Variants in TBCK observed in about 807,000 individuals in gnomAD.
The protein encoded by TBCK is TBC domain-containing protein kinase-like protein.
TBCK carries 99 observed loss-of-function variants against 113.4 expected under a neutral mutation model. The ratio of observed to expected loss-of-function variants is 0.87; its 90% CI spans 0.74 to 1.03. The LOEUF is 1.03. TBCK is among the 50% of genes least tolerant of loss of function. The pLI is 0.00. For synonymous variants in TBCK, 369 were observed against 370.8 expected, an observed-to-expected ratio of 1.00 and a Z score of 0.05; for missense variants, 1,045 against 1,061.3, an observed-to-expected ratio of 0.98 and a Z score of 0.21.
chr4:106,311,861 A>G (rs1355408312), intron 1 of TBCK, among the ~76,000 whole-genome samples: 1 of 152,198 alleles, frequency 6.6e-6, no homozygotes, highest in African/African-American at 2.4e-5. Context: ...ATGGTGCTGG[A>G]AAAAGATATT....
chr4:106,222,640 A>C (rs954907952), intron 19 of TBCK, among the ~76,000 whole-genome samples: 1 of 152,166 alleles, frequency 6.6e-6, no homozygotes, highest in African/African-American at 2.4e-5. Flanking sequence ...CTAGTCTATC[A>C]TGAAGATGAT....
Position 106,169,483 on chromosome 4 carries a change from A to G in TBCK, c.2235+1612T>C, listed in dbSNP as rs566406119. On this transcript the variant is annotated intron_variant, in intron 23 of 25. Coordinates refer to ENST00000394708, the MANE Select transcript of TBCK (RefSeq NM_001163435.3). Reference sequence around the variant, plus strand: ...AATGTTTTTCTGCTATAAAGAGGATATAATTCAAAATTTGAAACAAAGAAA... The same window carrying G: ...AATGTTTTTCTGCTATAAAGAGGATGTAATTCAAAATTTGAAACAAAGAAA... Among the ~76,000 whole-genome samples, 38 of 152,238 alleles carry G rather than the reference A, an allele frequency of 2.5e-4. No individual in the cohort carries two copies. In the South Asian group the frequency reaches 7.7e-3, roughly 31 times the overall value.
chr4:106,160,887 G>A (rs1303002296), intron 23 of TBCK, among the ~76,000 whole-genome samples: 1 of 151,844 alleles, frequency 6.6e-6, no homozygotes, highest in Admixed American at 6.6e-5. Context: ...ATGAATGAAT[G>A]GATAAACAAA....
intron 25 of TBCK, among the ~76,000 whole-genome samples, chr4:106,070,587 T>C (rs1737286773): frequency 6.6e-6 from 1 of 152,204 alleles, no homozygotes; most frequent in South Asian, 2.1e-4. Context: ...ATCATGGATA[T>C]TGGTCTAAAA....
chr4:106,051,683 T>G (rs1337047473), intron 25 of TBCK, among the ~76,000 whole-genome samples: 2 of 151,832 alleles, frequency 1.3e-5, no homozygotes, highest in Non-Finnish European at 2.9e-5. Context: ...ACAAATTAGG[T>G]GCATATTTCT....
chr4:106,090,610 T>C (rs1299296236), intron 25 of TBCK, among the ~76,000 whole-genome samples: 1 of 152,190 alleles, frequency 6.6e-6, no homozygotes, highest in African/African-American at 2.4e-5. Context: ...CTTTAAGTCT[T>C]TTATTTGCTT....
At chr4:106,084,525 G>A (rs1265828648) in intron 25 of TBCK, among the ~76,000 whole-genome samples, 2 of 152,106 alleles carry the variant, frequency 1.3e-5, no homozygotes, top group African/African-American at 4.8e-5. Context: ...CAGGATATTA[G>A]CCAGGAGAAC....
chr4:106,130,268 A>C (rs557178587), intron 23 of TBCK, among the ~76,000 whole-genome samples: 53 of 152,206 alleles, frequency 3.5e-4, no homozygotes, highest in Non-Finnish European at 6.3e-4. Flanking sequence ...CTTTTAATCT[A>C]GAAATTTCTT....
intron 5 of TBCK, among the ~76,000 whole-genome samples, chr4:106,257,859 T>C (rs529657465): frequency 6.6e-6 from 1 of 152,172 alleles, no homozygotes; most frequent in East Asian, 1.9e-4. Flanking sequence ...TATATAGACA[T>C]TAAATAAAAA....
Position 106,212,779 on chromosome 4 carries a change from GA to G in TBCK, c.1830del (p.His611IlefsTer50). The G allele has an allele frequency of 6.2e-7, 1 of 1,611,784 alleles. No homozygotes were observed. ...GGAATGAAACCAATCTCATTGAGAT[GA>G]TTACTCAGCTCTGGATCATGAAATG... ...MIAFHDPELS[N>X]HLNEIGFIPD... On this transcript the variant is annotated frameshift_variant, in exon 20 of 26. Transcript: ENST00000394708. LOFTEE classifies it high-confidence loss of function.
At chr4:106,211,441 T>C (rs1490958738) in intron 20 of TBCK, among the ~76,000 whole-genome samples, 1 of 152,156 alleles carries the variant, frequency 6.6e-6, no homozygotes, top group Non-Finnish European at 1.5e-5. Context: ...AATCATCTTA[T>C]TAAATGTAGA....
At chr4:106,148,687 C>G (rs116272091) in intron 23 of TBCK, among the ~76,000 whole-genome samples, 208 of 152,258 alleles carry the variant, frequency 1.4e-3, no homozygotes, top group African/African-American at 5.0e-3. Flanking sequence ...GTCATCCAGA[C>G]TTGGTTGTTC....
chr4:106,125,647 T>C lies in TBCK; in HGVS notation c.2236-9269A>G, dbSNP rs892270819. 2.2e-4 allele frequency among the ~76,000 whole-genome samples: 34 copies of C among 152,110 alleles called. 1 individual carries two copies. The highest frequency in any genetic ancestry group is 5.9e-5 in the Non-Finnish European group (4 of 68,026). On this transcript the variant is annotated intron_variant, in intron 23 of 25. Transcript: ENST00000394708. ...CATGTTCTGACTCGTATGTGGAAAC[T>C]AAATAAGTTGATCTCATGGAAGTAG... is the stretch of plus-strand genomic sequence containing the variant.
intron 19 of TBCK, among the ~76,000 whole-genome samples, chr4:106,225,490 C>T (rs912628992): frequency 3.9e-5 from 6 of 152,000 alleles, no homozygotes; most frequent in South Asian, 2.1e-4. Context: ...GACGGAGTCT[C>T]GCTCTGTCAC....
At chr4:106,128,285 C>A (rs1745465098) in intron 23 of TBCK, among the ~76,000 whole-genome samples, 1 of 152,148 alleles carries the variant, frequency 6.6e-6, no homozygotes, top group Non-Finnish European at 1.5e-5. Context: ...CAGAAGAACA[C>A]TTAATTAGAA....
chr4:106,272,112 C>A (rs1763552491), intron 3 of TBCK, among the ~76,000 whole-genome samples: 1 of 151,568 alleles, frequency 6.6e-6, no homozygotes, highest in Admixed American at 6.6e-5. Context: ...TAGTATAGAA[C>A]AAAGATAATA....
intron 20 of TBCK, among the ~76,000 whole-genome samples, chr4:106,201,182 T>G (rs1754849665): frequency 6.6e-6 from 1 of 151,944 alleles, no homozygotes; most frequent in South Asian, 2.1e-4. Flanking sequence ...CAGTTATCTC[T>G]TACCAATTAA....
intron 19 of TBCK, among the ~76,000 whole-genome samples, chr4:106,213,153 T>C (rs1405166767): frequency 6.6e-6 from 1 of 152,216 alleles, no homozygotes; most frequent in Non-Finnish European, 1.5e-5. Context: ...AAATCTGCTT[T>C]GTATTTCTTG....
intron 19 of TBCK, among the ~76,000 whole-genome samples, chr4:106,221,432 C>G (rs1366364843): frequency 6.6e-6 from 1 of 151,790 alleles, no homozygotes; most frequent in African/African-American, 2.4e-5. Flanking sequence ...ATTTGTAAAA[C>G]TAGCATAAGT....
Sources: allele counts gnomAD v4.1 joint callset (sites outside exome capture counted in the v4.1 genomes callset), GRCh38; gene constraint gnomAD v4.1.1; transcripts MANE v1.5; gene names NCBI Gene and HGNC (gene_info 2026-07-23, HGNC 2026-07-21).